ANO3: variants seen among roughly 807,000 people sequenced by gnomAD.
The protein encoded by ANO3 is anoctamin-3.
In ANO3, 99 loss-of-function variants were observed where a neutral mutation model predicts 144.8. The ratio of observed to expected loss-of-function variants is 0.68; its 90% confidence interval spans 0.58 to 0.81. The LOEUF is 0.81. Among genes scored for constraint, ANO3 ranks in the 30% least tolerant of loss-of-function variants. The probability of loss-of-function intolerance (pLI) is 0.00; values close to 1 mark genes in which losing one functional copy is unlikely to be tolerated. For missense variants in ANO3, 905 were observed against 1,202.2 expected (o/e 0.75, Z 3.66); for synonymous variants, 414 against 392.6 (o/e 1.05, Z -0.64).
chr11:26,195,048 G>C (rs1353775152), intron 1 of ANO3, among the ~76,000 whole-genome samples: 1 of 152,136 alleles, frequency 6.6e-6, no homozygotes, highest in Admixed American at 6.5e-5. Flanking sequence ...TTGACCTATA[G>C]ATGTCTGTGG....
intron 1 of ANO3, among the ~76,000 whole-genome samples, chr11:26,342,275 C>G (rs910612071): frequency 3.3e-5 from 5 of 152,144 alleles, no homozygotes; most frequent in African/African-American, 1.2e-4. Flanking sequence ...GCTATGGTCT[C>G]ATGTTTGTGT....
chr11:26,205,001 A>G (rs1851769301), intron 1 of ANO3, among the ~76,000 whole-genome samples: 1 of 152,168 alleles, frequency 6.6e-6, no homozygotes, highest in Non-Finnish European at 1.5e-5. Context: ...ACTTACAATC[A>G]TGGCAAAAGA....
In ANO3 at chr11:26,648,007, A is replaced by G. The variant is rs111527567; in HGVS notation, c.2576+151A>G. 0.058 allele frequency: 38,992 copies of G among 670,466 alleles called. 1,457 individuals carry two copies. Among genetic ancestry groups the G allele is most frequent in the Non-Finnish European group, 0.071 (30,772 of 434,034 alleles). 41.5% of individuals were successfully genotyped at this position (670,466 alleles called of 1,614,324 possible). A position where few individuals can be genotyped will look rare whatever the true frequency, so the allele number is the denominator to read the frequency against. Reference sequence around the variant, plus strand: ...TTTATTAGGTGAAATCAAGCAAGGTAAAAAGGACAACAGTGTTATTATAGC... The same window carrying G: ...TTTATTAGGTGAAATCAAGCAAGGTGAAAAGGACAACAGTGTTATTATAGC... On this transcript the variant is annotated intron_variant, in intron 24 of 26. Transcript: ENST00000256737.
At chr11:26,312,083 G>C (rs1299106268) in intron 1 of ANO3, among the ~76,000 whole-genome samples, 1 of 152,192 alleles carries the variant, frequency 6.6e-6, no homozygotes. Flanking sequence ...CTATGAGTGA[G>C]AGCATGCAGT....
intron 12 of ANO3, among the ~76,000 whole-genome samples, chr11:26,549,928 A>C (rs1849886921): frequency 6.6e-6 from 1 of 152,046 alleles, no homozygotes; most frequent in African/African-American, 2.4e-5. Flanking sequence ...AGGATTTCCA[A>C]GCCCTCTCTT....
chr11:26,630,313 C>T (rs1852734817), intron 18 of ANO3, among the ~76,000 whole-genome samples: 1 of 152,196 alleles, frequency 6.6e-6, no homozygotes, highest in Admixed American at 6.5e-5. Context: ...TATTTGTCTT[C>T]ACTGGCATTT....
Position 26,544,251 on chromosome 11 carries a change from C to CATATATATATATATATATATATATAT in ANO3, c.1154+2206_1154+2207insTATATATATATATATATATATATATA, listed in dbSNP as rs1554967685. Among the ~76,000 whole-genome samples the CATATATATATATATATATATATATAT allele has an allele frequency of 4.1e-3, 155 of 38,142 alleles. 1 individual carries two copies. Among genetic ancestry groups the CATATATATATATATATATATATATAT allele is most frequent in the South Asian group, 7.8e-3 (3 of 386 alleles). The allele number at this position is 38,142 out of a possible 152,430, so 25.0% of individuals were successfully genotyped here. A position where few individuals can be genotyped will look rare whatever the true frequency, so the allele number is the denominator to read the frequency against. ...TAAGGTTAAGTAGTATTTCATTATACATATATATATATATATATATATACA... is the reference window on the plus strand; with the variant it reads ...TAAGGTTAAGTAGTATTTCATTATACATATATATATATATATATATATATATATATATATATATATATATATATACA... On this transcript the variant is annotated intron_variant, in intron 11 of 26. Transcript: ENST00000256737.
intron 5 of ANO3, among the ~76,000 whole-genome samples, chr11:26,512,142 T>C (rs775955913): frequency 1.3e-5 from 2 of 152,196 alleles, no homozygotes; most frequent in Non-Finnish European, 2.9e-5. Context: ...AGAGATGCAG[T>C]TCATTTCAGC....
intron 1 of ANO3, among the ~76,000 whole-genome samples, chr11:26,412,569 A>G (rs1437919854): frequency 1.3e-5 from 2 of 152,040 alleles, no homozygotes; most frequent in Non-Finnish European, 2.9e-5. Flanking sequence ...ACTCAAATCT[A>G]CACGATGCTT....
At chr11:26,435,173 C>T (rs1280795226) in intron 1 of ANO3, among the ~76,000 whole-genome samples, 1 of 152,052 alleles carries the variant, frequency 6.6e-6, no homozygotes, top group African/African-American at 2.4e-5. Flanking sequence ...ATGTAATGCA[C>T]TTCTTTGTCT....
At chr11:26,556,166 G>A (rs1473974785) in intron 13 of ANO3, among the ~76,000 whole-genome samples, 3 of 151,944 alleles carry the variant, frequency 2.0e-5, no homozygotes, top group Non-Finnish European at 4.4e-5. Context: ...TTGCAATTAA[G>A]TAATTTAGTG....
intron 1 of ANO3, among the ~76,000 whole-genome samples, chr11:26,420,564 T>G (rs1370805531): frequency 6.6e-6 from 1 of 152,084 alleles, no homozygotes; most frequent in African/African-American, 2.4e-5. Flanking sequence ...TTTGTTCCTC[T>G]GGCTCTGTCT....
At chr11:26,239,775 G>C (rs1012499335) in intron 1 of ANO3, among the ~76,000 whole-genome samples, 6 of 152,142 alleles carry the variant, frequency 3.9e-5, no homozygotes, top group Non-Finnish European at 8.8e-5. Context: ...TGTTCAATGA[G>C]TAATAAATAA....
chr11:26,208,895 G>A (rs1851873104), intron 1 of ANO3, among the ~76,000 whole-genome samples: 1 of 152,114 alleles, frequency 6.6e-6, no homozygotes, highest in Admixed American at 6.6e-5. Flanking sequence ...ATATGATCCT[G>A]GAAATGTAAG....
intron 4 of ANO3, among the ~76,000 whole-genome samples, chr11:26,485,792 G>T (rs531668623): frequency 6.6e-6 from 1 of 151,984 alleles, no homozygotes; most frequent in Non-Finnish European, 1.5e-5. Flanking sequence ...CATTGGGGTA[G>T]GCAAATAATT....
At chr11:26,230,691 G>A (rs1020266734) in intron 1 of ANO3, among the ~76,000 whole-genome samples, 9 of 150,204 alleles carry the variant, frequency 6.0e-5, no homozygotes, top group African/African-American at 1.7e-4. Flanking sequence ...CAGCTAATCA[G>A]GAGGCTGAGG....
intron 1 of ANO3, among the ~76,000 whole-genome samples, chr11:26,205,581 A>G (rs962094132): frequency 6.6e-6 from 1 of 152,200 alleles, no homozygotes; most frequent in African/African-American, 2.4e-5. Flanking sequence ...AGCTTTGGCC[A>G]GAGCAGTCAC....
chr11:26,264,993 T>C (rs980072820), intron 1 of ANO3, among the ~76,000 whole-genome samples: 24 of 152,058 alleles, frequency 1.6e-4, no homozygotes, highest in Admixed American at 6.6e-5. Flanking sequence ...TTGAAGTTGG[T>C]GGTTTTGGTG....
chr11:26,193,299 G>A (rs1028737527), intron 1 of ANO3, among the ~76,000 whole-genome samples: 10 of 151,658 alleles, frequency 6.6e-5, no homozygotes, highest in East Asian at 5.8e-4. Context: ...GCACCACCAC[G>A]CCCGGCTAAT....
Sources: allele counts gnomAD v4.1 joint callset (sites outside exome capture counted in the v4.1 genomes callset), GRCh38; gene constraint gnomAD v4.1.1; transcripts MANE v1.5; gene names NCBI Gene and HGNC (gene_info 2026-07-23, HGNC 2026-07-21).